The following WDR72 variants were observed in gnomAD, a reference collection of about 807,000 sequenced individuals.
WDR72 encodes WD repeat domain 72.
WDR72 carries 120 observed loss-of-function variants against 124.2 expected under a neutral mutation model. That is an observed-to-expected ratio of 0.97 (90% CI 0.83 to 1.12). The LOEUF (loss-of-function observed/expected upper bound fraction) is 1.12, where lower values mean the gene tolerates loss of function less well. WDR72 is among the 50% of genes most tolerant of loss of function. The pLI is 0.00. For synonymous variants in WDR72, 452 were observed against 441.7 expected, an observed-to-expected ratio of 1.02 and a Z score of -0.29; for missense variants, 1,387 against 1,278.8, an observed-to-expected ratio of 1.08 and a Z score of -1.29.
At chr15:53,709,199 T>C (rs536384143) in intron 9 of WDR72, among the ~76,000 whole-genome samples, 10 of 152,314 alleles carry the variant, frequency 6.6e-5, no homozygotes, top group African/African-American at 2.4e-4. Context: ...TGAACACTAG[T>C]GATGTTTGAA....
At chr15:53,737,323 G>A (rs926255473) in intron 1 of WDR72, among the ~76,000 whole-genome samples, 2 of 152,104 alleles carry the variant, frequency 1.3e-5, no homozygotes, top group Non-Finnish European at 2.9e-5. Context: ...TTTGAGCATC[G>A]GAATAAATAA....
chr15:53,573,376 T>C (rs1432985333), intron 18 of WDR72, among the ~76,000 whole-genome samples: 69 of 152,348 alleles, frequency 4.5e-4, no homozygotes, highest in Non-Finnish European at 2.9e-5. Flanking sequence ...GCCTTTCTTT[T>C]CCAATATCTT....
chr15:53,537,618 TTA>T (rs1892831310), intron 18 of WDR72, among the ~76,000 whole-genome samples: 1 of 152,286 alleles, frequency 6.6e-6, no homozygotes, highest in African/African-American at 2.4e-5. Context: ...GTTGTTACAA[TTA>T]TATGAGTTAA....
intron 18 of WDR72, among the ~76,000 whole-genome samples, chr15:53,552,807 C>G (rs1400081694): frequency 6.6e-6 from 1 of 152,044 alleles, no homozygotes; most frequent in Admixed American, 6.6e-5. Context: ...AAATATTAAC[C>G]AGTCAACATC....
chr15:53,729,024 T>C (rs1228574839), intron 2 of WDR72, among the ~76,000 whole-genome samples: 1 of 152,092 alleles, frequency 6.6e-6, no homozygotes, highest in Non-Finnish European at 1.5e-5. Context: ...ACCACCTTTT[T>C]TCCTTCCCTA....
intron 14 of WDR72, among the ~76,000 whole-genome samples, chr15:53,641,860 T>C (rs1231670296): frequency 6.6e-6 from 1 of 151,936 alleles, no homozygotes. Flanking sequence ...TTTTCTGATC[T>C]ATTAATATTT....
At chr15:53,748,292 A>G (rs2018691145) in intron 1 of WDR72, among the ~76,000 whole-genome samples, 1 of 152,198 alleles carries the variant, frequency 6.6e-6, no homozygotes, top group African/African-American at 2.4e-5. Context: ...TCCAAAAACA[A>G]TCTGGAAAAC....
At chr15:53,715,090 G>C in intron 5 of WDR72, 103 bp downstream of exon 5, 1 of 1,293,404 alleles carries the variant, frequency 7.7e-7, no homozygotes, top group Non-Finnish European at 1.1e-6. Context: ...TAAGCATAAA[G>C]AAGCATTCTT....
At chr15:53,636,468 G>A (rs967675667) in intron 14 of WDR72, among the ~76,000 whole-genome samples, 3 of 151,676 alleles carry the variant, frequency 2.0e-5, no homozygotes, top group Admixed American at 6.6e-5. Flanking sequence ...AAATTAAATC[G>A]GGAGGAACAG....
intron 13 of WDR72, among the ~76,000 whole-genome samples, chr15:53,667,645 C>T (rs1267935511): frequency 2.0e-5 from 3 of 152,102 alleles, no homozygotes; most frequent in Non-Finnish European, 4.4e-5. Context: ...TGGTAAAATT[C>T]ACTGTCTTTC....
At chr15:53,543,792 T>G (rs1893294173) in intron 18 of WDR72, among the ~76,000 whole-genome samples, 1 of 151,880 alleles carries the variant, frequency 6.6e-6, no homozygotes, top group South Asian at 2.1e-4. Context: ...ATAGACGCAA[T>G]AAAAAATGAT....
chr15:53,676,429 G>A (rs956893072), intron 13 of WDR72, among the ~76,000 whole-genome samples: 2 of 152,194 alleles, frequency 1.3e-5, no homozygotes, highest in African/African-American at 4.8e-5. Flanking sequence ...GTTCTCTCCA[G>A]CCACTCAAAC....
chr15:53,707,159 G>C (rs2017403619), intron 9 of WDR72, among the ~76,000 whole-genome samples: 2 of 152,182 alleles, frequency 1.3e-5, no homozygotes, highest in South Asian at 4.1e-4. Flanking sequence ...TCAGGAAAGT[G>C]ATGCTTCCTA....
At chr15:53,712,434 A>G in intron 7 of WDR72, among the ~76,000 whole-genome samples, 1 of 152,090 alleles carries the variant, frequency 6.6e-6, no homozygotes. Flanking sequence ...GGTCTCTCCT[A>G]AAAATACAAA....
chr15:53,527,600 T>G (rs1892198282), intron 18 of WDR72, among the ~76,000 whole-genome samples: 1 of 152,066 alleles, frequency 6.6e-6, no homozygotes, highest in African/African-American at 2.4e-5. Context: ...AAAATAGATC[T>G]CATTCGTCAT....
In WDR72 at chr15:53,705,145, C is replaced by T; in HGVS notation, c.1191G>A (p.Gly397=). The T allele has an allele frequency of 3.7e-6, 6 of 1,614,038 alleles. No individual in the cohort carries two copies. Among genetic ancestry groups the T allele is most frequent in the Non-Finnish European group, 5.1e-6 (6 of 1,180,004 alleles). The change falls in exon 11 of 20, where the codon GGG becomes GGA. Residue 397 remains glycine (G), a synonymous_variant. Coordinates refer to ENST00000360509, the MANE Select transcript of WDR72 (RefSeq NM_182758.4). ...MSQSIIDYFS[G]LKDGAGTAVV... ...CAGCAGTTCCTGCCCCATCTTTAAG[C>T]CCAGAGAAATAGTCAATAATACTTT...
At chr15:53,706,388 A>G (rs942735704) in intron 9 of WDR72, among the ~76,000 whole-genome samples, 1 of 115,162 alleles carries the variant, frequency 8.7e-6, no homozygotes, top group Admixed American at 8.8e-5. Flanking sequence ...ATATATATAT[A>G]TATATATGGC....
At position 53,718,782 on chromosome 15, in the gene WDR72, T is replaced by TTAAGATTTTTAAAAATTTTAAAAAC. The variant is rs1567046969; in HGVS notation, c.261-2098_261-2097insGTTTTTAAAATTTTTAAAAATCTTA. Among the ~76,000 whole-genome samples, 68 of 113,956 alleles carry TTAAGATTTTTAAAAATTTTAAAAAC rather than the reference T, an allele frequency of 6.0e-4. 1 individual carries two copies. Among genetic ancestry groups the TTAAGATTTTTAAAAATTTTAAAAAC allele is most frequent in the African/African-American group, 8.4e-4 (31 of 36,910 alleles). The allele number at this position is 113,956 out of a possible 152,430, so 74.8% of individuals were successfully genotyped here. ...TAATAAATTTTAAGAATTTTAAAAA[T>TTAAGATTTTTAAAAATTTTAAAAAC]CTTAAGATTTTTAAAAATTTTAAAA... On this transcript the variant is annotated intron_variant, in intron 3 of 19. Transcript: ENST00000360509.
chr15:53,743,369 C>CATATTTA (rs2018559535), intron 1 of WDR72, among the ~76,000 whole-genome samples: 1 of 151,934 alleles, frequency 6.6e-6, no homozygotes, highest in African/African-American at 2.4e-5. Context: ...TTTAGTATTA[C>CATATTTA]ATATTTAATA....
Sources: allele counts gnomAD v4.1 joint callset (sites outside exome capture counted in the v4.1 genomes callset), GRCh38; gene constraint gnomAD v4.1.1; transcripts MANE v1.5; gene names NCBI Gene and HGNC (gene_info 2026-07-23, HGNC 2026-07-21).